TJP1: variants seen among roughly 807,000 people sequenced by gnomAD.
TJP1 encodes tight junction protein 1, also known as tight junction protein ZO-1.
In TJP1, 43 loss-of-function variants were observed where a neutral mutation model predicts 194.2. The ratio of observed to expected loss-of-function variants is 0.22; its 90% confidence interval spans 0.17 to 0.29. The LOEUF (loss-of-function observed/expected upper bound fraction) is 0.29. TJP1 is among the 10% of genes least tolerant of loss of function. The pLI is 1.00. For synonymous variants in TJP1, 801 were observed against 779.0 expected (o/e 1.03, Z -0.47); for missense variants, 1,971 against 2,185.7 (o/e 0.90, Z 1.96).
chr15:29,893,702 T>C (rs1165357198), intron 2 of TJP1, among the ~76,000 whole-genome samples: 1 of 151,914 alleles, frequency 6.6e-6, no homozygotes, highest in African/African-American at 2.4e-5. Flanking sequence ...ATATTGTTTT[T>C]CAGACACAAT....
intron 4 of TJP1, among the ~76,000 whole-genome samples, chr15:29,771,820 A>G (rs917069735): frequency 6.6e-6 from 1 of 151,920 alleles, no homozygotes; most frequent in Non-Finnish European, 1.5e-5. Context: ...AAAAAAAAAA[A>G]GGTAACTATT....
intron 5 of TJP1, among the ~76,000 whole-genome samples, chr15:29,764,806 T>A (rs889819206): frequency 2.0e-5 from 3 of 152,138 alleles, no homozygotes; most frequent in African/African-American, 7.2e-5. Context: ...TACAGGAACA[T>A]CTAAGTGAAT....
intron 2 of TJP1, among the ~76,000 whole-genome samples, chr15:29,792,907 T>C (rs945771472): frequency 1.3e-5 from 2 of 152,256 alleles, no homozygotes; most frequent in African/African-American, 4.8e-5. Flanking sequence ...TTGGTTTATT[T>C]TCTAGATTGT....
In TJP1 at chr15:29,718,132, A is replaced by T; in HGVS notation, c.3877-14T>A. On this transcript the variant is annotated splice_polypyrimidine_tract_variant and intron_variant, in intron 21 of 27. Transcript: ENST00000614355. ...TACTTCTGGAGGCTGTTTAAAAAAAAAAAAAAAAAAAAGACAAATATGCCT... is the reference window on the plus strand; with the variant it reads ...TACTTCTGGAGGCTGTTTAAAAAAATAAAAAAAAAAAAGACAAATATGCCT... The T allele has an allele frequency of 1.3e-6, 2 of 1,589,594 alleles. No individual in the cohort carries two copies. The highest frequency in any genetic ancestry group is 1.7e-6 in the Non-Finnish European group (2 of 1,173,056).
chr15:29,706,836 T>C (rs1319996824), intron 25 of TJP1, among the ~76,000 whole-genome samples: 1 of 152,108 alleles, frequency 6.6e-6, no homozygotes, highest in Non-Finnish European at 1.5e-5. Flanking sequence ...ATTTTTGTAT[T>C]TTTAGTAGAC....
intron 2 of TJP1, among the ~76,000 whole-genome samples, chr15:29,886,828 C>A (rs537035639): frequency 1.3e-5 from 2 of 151,658 alleles, no homozygotes; most frequent in South Asian, 4.2e-4. Flanking sequence ...GTCATGGGCT[C>A]GGTGGTAAAG....
intron 2 of TJP1, among the ~76,000 whole-genome samples, chr15:29,781,251 C>T (rs2047352852): frequency 6.6e-6 from 1 of 152,062 alleles, no homozygotes; most frequent in African/African-American, 2.4e-5. Context: ...TGGACAAACC[C>T]ACCCTCCCAA....
chr15:29,939,997 A>G (rs1260261536), intron 2 of TJP1, among the ~76,000 whole-genome samples: 1 of 152,166 alleles, frequency 6.6e-6, no homozygotes, highest in Non-Finnish European at 1.5e-5. Context: ...GCACTTGAAT[A>G]ACAAACTCTG....
intron 2 of TJP1, among the ~76,000 whole-genome samples, chr15:29,916,020 G>T (rs1718978): frequency 6.6e-6 from 1 of 152,010 alleles, no homozygotes; most frequent in South Asian, 2.1e-4. Flanking sequence ...CAAGGCGGGC[G>T]GATCACCTGA....
At chr15:29,930,036 T>C (rs933721383) in intron 2 of TJP1, among the ~76,000 whole-genome samples, 3 of 152,080 alleles carry the variant, frequency 2.0e-5, no homozygotes, top group African/African-American at 7.2e-5. Flanking sequence ...CAAGAAGAAA[T>C]GTAAAACTTG....
Position 29,766,300 on chromosome 15 carries a change from A to T in TJP1, c.555T>A (p.Thr185=). The change falls in exon 5 of 28, where the codon ACT becomes ACA. Residue 185 remains threonine (T), a synonymous_variant. Transcript: ENST00000614355. ...TCCGGGATTTCACCAGTGTGACTTT[A>T]GTAGGTTTAGCAGGCTGGCTGGAAG... ...SVASSQPAKP[T]KVTLVKSRKN... 6.2e-7 allele frequency: 1 copy of T among 1,613,970 alleles called. No individual in the cohort carries two copies. The highest frequency in any genetic ancestry group is 8.5e-7 in the Non-Finnish European group (1 of 1,179,962).
chr15:29,954,125 T>C (rs573541483), intron 2 of TJP1, among the ~76,000 whole-genome samples: 8 of 152,322 alleles, frequency 5.3e-5, no homozygotes, highest in African/African-American at 1.9e-4. Flanking sequence ...TTTCCCTGCT[T>C]GGAGTGTGTA....
intron 2 of TJP1, among the ~76,000 whole-genome samples, chr15:29,835,784 T>A (rs1326291003): frequency 6.6e-6 from 1 of 152,188 alleles, no homozygotes; most frequent in African/African-American, 2.4e-5. Flanking sequence ...GTCTCCACAA[T>A]TAGCTGGACT....
chr15:29,955,999 A>G (rs1336921798), intron 2 of TJP1, among the ~76,000 whole-genome samples: 2 of 152,040 alleles, frequency 1.3e-5, no homozygotes, highest in Admixed American at 6.6e-5. Flanking sequence ...GTCAGGAAGC[A>G]TTTCTCTATC....
chr15:29,829,665 G>A (rs1024735299), intron 2 of TJP1, among the ~76,000 whole-genome samples: 4 of 148,930 alleles, frequency 2.7e-5, no homozygotes, highest in Non-Finnish European at 4.4e-5. Context: ...TTTCTTAAAA[G>A]CAGCAGAAGA....
chr15:29,702,631 A>C (rs1268572614), intron 27 of TJP1, among the ~76,000 whole-genome samples: 1 of 152,134 alleles, frequency 6.6e-6, no homozygotes, highest in Non-Finnish European at 1.5e-5. Flanking sequence ...TACAACAATC[A>C]TTTGGCCAAA....
intron 5 of TJP1, among the ~76,000 whole-genome samples, chr15:29,763,398 C>A (rs1315032615): frequency 2.6e-5 from 4 of 152,134 alleles, no homozygotes; most frequent in Non-Finnish European, 5.9e-5. Flanking sequence ...AAAACAAAAT[C>A]AAAAACCAAG....
At chr15:29,837,600 T>A (rs1013461101) in intron 2 of TJP1, among the ~76,000 whole-genome samples, 35 of 152,206 alleles carry the variant, frequency 2.3e-4, no homozygotes, top group African/African-American at 8.4e-4. Context: ...GTTATTTAAA[T>A]TTTGTAGGCT....
At chr15:29,890,505 GA>G (rs879687364) in intron 2 of TJP1, among the ~76,000 whole-genome samples, 5 of 152,034 alleles carry the variant, frequency 3.3e-5, no homozygotes, top group Non-Finnish European at 5.9e-5. Context: ...TTTCCTAAGG[GA>G]AAAAATGGAC....
Sources: gnomAD v4.1 joint callset for allele counts (sites outside exome capture counted in the v4.1 genomes callset) on GRCh38, gnomAD v4.1.1 for gene constraint, MANE v1.5 for transcripts, NCBI Gene and HGNC (gene_info 2026-07-23, HGNC 2026-07-21) for gene names.